ARID1B: variants seen among roughly 807,000 people sequenced by gnomAD.
ARID1B encodes the protein AT-rich interaction domain 1B.
Under a neutral mutation model 212.3 loss-of-function variants are expected in ARID1B, and 30 were observed. That is an observed-to-expected ratio of 0.14 (90% confidence interval 0.11 to 0.19). The LOEUF (loss-of-function observed/expected upper bound fraction) is 0.19, where lower values mean the gene tolerates loss of function less well. Ranked by LOEUF, ARID1B falls within the 10% of genes least tolerant of loss-of-function variation. The pLI, the probability that ARID1B is intolerant of heterozygous loss-of-function variation, is 1.00. For synonymous variants in ARID1B, 1,402 were observed against 1,301.7 expected (o/e 1.08, Z -1.66); for missense variants, 2,891 against 3,204.0 (o/e 0.90, Z 2.36).
chr6:156,861,879 G>A (rs966357035), intron 2 of ARID1B, among the ~76,000 whole-genome samples: 1 of 152,192 alleles, frequency 6.6e-6, no homozygotes, highest in African/African-American at 2.4e-5. Flanking sequence ...TGTAGACCTT[G>A]AGATGTGCAG....
At chr6:156,977,126 G>A (rs2128363799) in intron 4 of ARID1B, 2 of 255,366 alleles carry the variant, frequency 7.8e-6, no homozygotes, top group South Asian at 8.4e-5. Context: ...CTCTCTCCTT[G>A]GTTTTAAGAA....
chr6:156,885,268 A>G (rs1787413870), intron 2 of ARID1B, among the ~76,000 whole-genome samples: 1 of 152,220 alleles, frequency 6.6e-6, no homozygotes, highest in South Asian at 2.1e-4. Flanking sequence ...ACTGAAGTCT[A>G]TTGACTTAAT....
chr6:156,876,374 G>A (rs904179457), intron 2 of ARID1B, among the ~76,000 whole-genome samples: 28 of 152,220 alleles, frequency 1.8e-4, no homozygotes, highest in South Asian at 2.1e-4. Context: ...CTTGGGCCTC[G>A]ATATCTGTGT....
rs2128339014 is a variant in ARID1B at position 157,189,753 on chromosome 6, G to A, written c.4031G>A (p.Gly1344Asp). 6.2e-7 allele frequency: 1 copy of A among 1,613,854 alleles called. No homozygotes were observed. Among genetic ancestry groups the A allele is most frequent in the Non-Finnish European group, 8.5e-7 (1 of 1,179,974 alleles). The change falls in exon 14 of 20, where the codon GGC becomes GAC. Residue 1344 changes from glycine (G) to aspartate (D), a missense_variant. Gly to Asp is a moderately conservative substitution (Grantham distance 94, BLOSUM62 -1). Transcript: ENST00000636930. ...CCTACCCCAGCCTCCACCCCTCACG[G>A]CCAGATGACTCCAATGCAAGGTGGA... is the stretch of plus-strand genomic sequence containing the variant. ...KPPTPASTPH[G>D]QMTPMQGGRS... is the part of the protein sequence containing the mutation.
chr6:156,807,209 A>G (rs988738664), intron 1 of ARID1B, among the ~76,000 whole-genome samples: 3 of 149,714 alleles, frequency 2.0e-5, no homozygotes, highest in African/African-American at 7.4e-5. Flanking sequence ...CTCAGCTAAC[A>G]GGAAGCTGGG....
chr6:156,986,883 A>AG (rs1777951897), intron 4 of ARID1B, among the ~76,000 whole-genome samples: 21 of 152,184 alleles, frequency 1.4e-4, no homozygotes, highest in Non-Finnish European at 2.8e-4. Context: ...ACTTTGTATT[A>AG]ATAAAACAAC....
intron 2 of ARID1B, among the ~76,000 whole-genome samples, chr6:156,867,095 A>G (rs777472900): frequency 6.6e-6 from 1 of 152,160 alleles, no homozygotes; most frequent in Non-Finnish European, 1.5e-5. Flanking sequence ...TCAGCCATCC[A>G]TTGCATACTC....
chr6:156,813,315 T>G (rs1355152590), intron 1 of ARID1B, among the ~76,000 whole-genome samples: 2 of 150,542 alleles, frequency 1.3e-5, no homozygotes, highest in African/African-American at 4.9e-5. Flanking sequence ...GGCTTCACCA[T>G]GTTGCCCAGG....
intron 3 of ARID1B, among the ~76,000 whole-genome samples, chr6:156,908,410 A>G (rs1789583789): frequency 6.6e-6 from 1 of 152,126 alleles, no homozygotes; most frequent in Non-Finnish European, 1.5e-5. Flanking sequence ...TTAATTCATA[A>G]TGGTTTTTCT....
chr6:157,096,379 C>T (rs1265095478), intron 5 of ARID1B, among the ~76,000 whole-genome samples: 1 of 152,196 alleles, frequency 6.6e-6, no homozygotes, highest in African/African-American at 2.4e-5. Flanking sequence ...TGACTTATAA[C>T]CTTTCTCCTG....
Position 157,110,578 on chromosome 6 carries a change from T to C in ARID1B, c.2581+17T>C. 5.0e-6 allele frequency: 8 copies of C among 1,612,032 alleles called. No homozygotes were observed. Among genetic ancestry groups the C allele is most frequent in the Non-Finnish European group, 6.8e-6 (8 of 1,178,074 alleles). ...AGGAAAGAGGTTCGTCTCCAGTTCA[T>C]GTCTTACATGCCTATAGTGCTTTCA... On this transcript the variant is annotated intron_variant, in intron 6 of 19. Transcript: ENST00000636930.
At chr6:157,183,163 G>T (rs1792688293) in intron 12 of ARID1B, among the ~76,000 whole-genome samples, 1 of 152,086 alleles carries the variant, frequency 6.6e-6, no homozygotes, top group Non-Finnish European at 1.5e-5. Context: ...ACCACACAAA[G>T]CTCAGCTCCC....
intron 4 of ARID1B, among the ~76,000 whole-genome samples, chr6:156,997,048 A>G (rs1554280278): frequency 6.6e-6 from 1 of 152,234 alleles, no homozygotes; most frequent in Non-Finnish European, 1.5e-5. Flanking sequence ...GCATTACTTA[A>G]GACATAAATT....
At chr6:156,967,562 G>A (rs150563126) in intron 4 of ARID1B, among the ~76,000 whole-genome samples, 175 of 152,304 alleles carry the variant, frequency 1.1e-3, no homozygotes, top group African/African-American at 3.9e-3. Flanking sequence ...CATTTGGTAC[G>A]TAAGATTTGT....
At chr6:157,016,551 G>T (rs1779931818) in intron 4 of ARID1B, among the ~76,000 whole-genome samples, 1 of 152,208 alleles carries the variant, frequency 6.6e-6, no homozygotes, top group Admixed American at 6.5e-5. Flanking sequence ...ACCACTGTCT[G>T]TGTGGAGCTT....
chr6:156,937,346 CT>C (rs1377365310), intron 4 of ARID1B: 1 of 152,090 alleles, frequency 6.6e-6, no homozygotes, highest in Admixed American at 6.6e-5. Context: ...GTGAATTCCA[CT>C]TTTTTCAGCA....
chr6:156,882,953 G>GT (rs1342485844), intron 2 of ARID1B, among the ~76,000 whole-genome samples: 1 of 152,222 alleles, frequency 6.6e-6, no homozygotes, highest in Non-Finnish European at 1.5e-5. Context: ...ACAAAGTAAG[G>GT]TTATGATAAA....
In ARID1B at chr6:156,834,972, C is replaced by A. The variant is rs887530727; in HGVS notation, c.1986+5551C>A. Among the ~76,000 whole-genome samples, 83 of 152,084 alleles carry A rather than the reference C, an allele frequency of 5.5e-4. 4 individuals are homozygous for A. Among genetic ancestry groups the A allele is most frequent in the Non-Finnish European group, 1.5e-5 (1 of 68,022 alleles). On this transcript the variant is annotated intron_variant, in intron 2 of 19. Transcript: ENST00000636930. ...TTTTTGGGCCGGGCGCGGTGGCTCACGCCTGTAATCCCAGCACTTGGGGAG... is the reference window on the plus strand; with the variant it reads ...TTTTTGGGCCGGGCGCGGTGGCTCAAGCCTGTAATCCCAGCACTTGGGGAG...
intron 4 of ARID1B, among the ~76,000 whole-genome samples, chr6:157,028,240 T>C (rs1780786836): frequency 6.6e-6 from 1 of 152,248 alleles, no homozygotes; most frequent in Non-Finnish European, 1.5e-5. Flanking sequence ...TCATATGTTT[T>C]TTAACAGTCC....
Sources: allele counts gnomAD v4.1 joint callset (sites outside exome capture counted in the v4.1 genomes callset), GRCh38; gene constraint gnomAD v4.1.1; transcripts MANE v1.5; gene names NCBI Gene and HGNC (gene_info 2026-07-23, HGNC 2026-07-21).